The following ETF1 variants were observed in gnomAD, a reference collection of about 807,000 sequenced individuals.
ETF1 encodes the protein eukaryotic translation termination factor 1.
ETF1 carries 4 observed loss-of-function variants against 55.1 expected under a neutral mutation model. The ratio of observed to expected loss-of-function variants is 0.07; its 90% CI spans 0.04 to 0.17. The LOEUF (loss-of-function observed/expected upper bound fraction) is 0.17. ETF1 is among the 10% of genes least tolerant of loss of function. The pLI is 1.00. For missense variants in ETF1, 142 were observed against 523.6 expected (o/e 0.27, Z 7.11); for synonymous variants, 157 against 182.3 (o/e 0.86, Z 1.12).
At chr5:138,513,281 G>A in intron 5 of ETF1, 1 of 896,120 alleles carries the variant, frequency 1.1e-6, no homozygotes, top group Non-Finnish European at 1.3e-6. Context: ...GCCCAGACTG[G>A]AGTGCAGTGG....
At chr5:138,527,368 T>C (rs1765516903) in intron 2 of ETF1, among the ~76,000 whole-genome samples, 1 of 152,174 alleles carries the variant, frequency 6.6e-6, no homozygotes, top group African/African-American at 2.4e-5. Context: ...CTGCCACCCC[T>C]TGGATAGGGG....
intron 2 of ETF1, 60 bp downstream of exon 2, chr5:138,542,773 G>T: frequency 6.3e-7 from 1 of 1,595,784 alleles, no homozygotes; most frequent in African/African-American, 1.3e-5. Flanking sequence ...GCGCGGGGGC[G>T]TCCATCCTGA....
At chr5:138,539,035 C>G (rs1414297647) in intron 2 of ETF1, among the ~76,000 whole-genome samples, 1 of 152,176 alleles carries the variant, frequency 6.6e-6, no homozygotes, top group Non-Finnish European at 1.5e-5. Context: ...TGTCCAAACA[C>G]TACAGCAGAA....
intron 2 of ETF1, among the ~76,000 whole-genome samples, chr5:138,523,456 C>T (rs556154001): frequency 6.6e-6 from 1 of 152,234 alleles, no homozygotes; most frequent in East Asian, 1.9e-4. Flanking sequence ...ATCGCTTGAA[C>T]CCGGGAGGTG....
At chr5:138,538,106 T>A (rs969248987) in intron 2 of ETF1, among the ~76,000 whole-genome samples, 3 of 147,978 alleles carry the variant, frequency 2.0e-5, no homozygotes, top group African/African-American at 7.7e-5. Context: ...GTCAGGCTGG[T>A]CTCAAACTCC....
chr5:138,517,776 A>G lies in ETF1; in HGVS notation c.263-76T>C. On this transcript the variant is annotated intron_variant, in intron 3 of 10. Transcript: ENST00000360541. The stretch of plus-strand genomic sequence containing the variant: ...GTCAATTAATAGAAAATGTTCCCAT[A>G]GCCTATTTTCCCTGCCTGATCCTTT... 4 of 1,341,728 alleles carry G rather than the reference A, an allele frequency of 3.0e-6. No homozygotes were observed. In the South Asian group the frequency reaches 7.2e-5, roughly 24 times the overall value. 83.1% of individuals were successfully genotyped at this position (1,341,728 alleles called of 1,614,324 possible).
chr5:138,527,798 G>T (rs1765539345), intron 2 of ETF1, among the ~76,000 whole-genome samples: 1 of 151,882 alleles, frequency 6.6e-6, no homozygotes, highest in Non-Finnish European at 1.5e-5. Flanking sequence ...TTGAGAGGGG[G>T]TTTCCCTTTT....
At chr5:138,508,539 G>A (rs1764641454) in intron 10 of ETF1, 130 bp downstream of exon 10, 2 of 1,553,472 alleles carry the variant, frequency 1.3e-6, no homozygotes, top group Non-Finnish European at 1.7e-6. Flanking sequence ...TTAGGAACCT[G>A]CACCTGCTGC....
In ETF1 at chr5:138,543,015, T is replaced by C. The variant is rs947219309; in HGVS notation, c.-18-79A>G. The C allele has an allele frequency of 9.0e-6, 12 of 1,330,930 alleles. No homozygotes were observed. The African/African-American group carries it at 1.8e-4, about 19-fold the overall frequency. The allele number at this position is 1,330,930 out of a possible 1,614,324, so 82.4% of individuals were successfully genotyped here. Reference sequence around the variant, plus strand: ...CGCTGGGGCAGAGCGGCCCCCTTCCTCGCCATCCCCCAGAGGCCCTCTCCT... The same window carrying C: ...CGCTGGGGCAGAGCGGCCCCCTTCCCCGCCATCCCCCAGAGGCCCTCTCCT... On this transcript the variant is annotated intron_variant, in intron 1 of 10. Coordinates refer to ENST00000360541, the MANE Select transcript of ETF1 (RefSeq NM_004730.4).
intron 2 of ETF1, among the ~76,000 whole-genome samples, chr5:138,519,766 T>A (rs1279644412): frequency 6.6e-6 from 1 of 152,142 alleles, no homozygotes; most frequent in Non-Finnish European, 1.5e-5. Context: ...ACTGACAGCC[T>A]GATAAATTCT....
chr5:138,537,540 A>G (rs1225992278), intron 2 of ETF1, among the ~76,000 whole-genome samples: 3 of 152,162 alleles, frequency 2.0e-5, no homozygotes, highest in Admixed American at 6.5e-5. Context: ...AACTTAAAAT[A>G]GTCTAGTTCT....
At chr5:138,520,611 A>T (rs1765195280) in intron 2 of ETF1, among the ~76,000 whole-genome samples, 1 of 152,186 alleles carries the variant, frequency 6.6e-6, no homozygotes, top group Admixed American at 6.6e-5. Context: ...TGAGTCCAGG[A>T]GTTTGAGAAC....
intron 3 of ETF1, among the ~76,000 whole-genome samples, chr5:138,518,305 G>C (rs1190856025): frequency 6.6e-6 from 1 of 151,974 alleles, no homozygotes; most frequent in African/African-American, 2.4e-5. Flanking sequence ...CCACCTCCCG[G>C]GTCCAGTTGA....
Position 138,511,622 on chromosome 5 carries a change from T to C in ETF1, c.733-18A>G, listed in dbSNP as rs1354691805. 1 of 1,588,408 alleles carries C rather than the reference T, an allele frequency of 6.3e-7. No homozygotes were observed. The highest frequency in any genetic ancestry group is 1.4e-5 in the African/African-American group (1 of 73,734). On this transcript the variant is annotated intron_variant, in intron 6 of 10. Transcript: ENST00000360541. ...TGTAACCTCTAACACACAAAAAAAA[T>C]ATTATTAGTACTTACTGGTACTTAT...
In ETF1 at chr5:138,511,026, T is replaced by G; in HGVS notation, c.1018+19A>C. 2 of 1,609,548 alleles carry G rather than the reference T, an allele frequency of 1.2e-6. No homozygotes were observed. The highest frequency in any genetic ancestry group is 1.1e-5 in the South Asian group (1 of 90,340). ...CTGGCTCAGTAACAAATAGCAACCT[T>G]ATTTTCTAATTCTCATACCTTCTGT... On this transcript the variant is annotated intron_variant, in intron 8 of 10. Transcript: ENST00000360541.
At chr5:138,519,762 A>G (rs1765161878) in intron 2 of ETF1, among the ~76,000 whole-genome samples, 1 of 152,152 alleles carries the variant, frequency 6.6e-6, no homozygotes, top group African/African-American at 2.4e-5. Flanking sequence ...AATGACTGAC[A>G]GCCTGATAAA....
At position 138,513,522 on chromosome 5, in the gene ETF1, T is replaced by C. The variant is rs552524795; in HGVS notation, c.541+46A>G. The C allele has an allele frequency of 1.4e-5, 21 of 1,500,332 alleles. No individual in the cohort carries two copies. In the South Asian group the frequency reaches 1.8e-4, roughly 13 times the overall value. The allele number at this position is 1,500,332 out of a possible 1,614,324, so 92.9% of individuals were successfully genotyped here. ...CCCGGCCCACCATACTGTTTTCTTATTGCTAGACACAAAGTAAGTGGGTTC... is the reference window on the plus strand; with the variant it reads ...CCCGGCCCACCATACTGTTTTCTTACTGCTAGACACAAAGTAAGTGGGTTC... On this transcript the variant is annotated intron_variant, in intron 5 of 10. Coordinates refer to ENST00000360541, the MANE Select transcript of ETF1 (RefSeq NM_004730.4).
intron 9 of ETF1, chr5:138,509,049 T>C: frequency 1.0e-6 from 1 of 985,374 alleles, no homozygotes; most frequent in African/African-American, 1.7e-5. Context: ...AGCTATGAAA[T>C]ACCAACACAA....
At chr5:138,541,498 C>G (rs1324250302) in intron 2 of ETF1, 1 of 1,505,796 alleles carries the variant, frequency 6.6e-7, no homozygotes, top group Admixed American at 2.0e-5. Flanking sequence ...TTATTAAGAA[C>G]AAAACACTAG....
Sources: allele counts gnomAD v4.1 joint callset (sites outside exome capture counted in the v4.1 genomes callset), GRCh38; gene constraint gnomAD v4.1.1; transcripts MANE v1.5; gene names NCBI Gene and HGNC (gene_info 2026-07-23, HGNC 2026-07-21).